NPHP4: variants seen among roughly 807,000 people sequenced by gnomAD.
NPHP4 encodes nephrocystin 4, also known as nephrocystin-4.
NPHP4 carries 151 observed loss-of-function variants against 155.8 expected under a neutral mutation model. That is an observed-to-expected ratio of 0.97 (90% CI 0.85 to 1.11). NPHP4 has a LOEUF of 1.11. Ranked by LOEUF, NPHP4 falls within the 50% of genes least tolerant of loss-of-function variation. The pLI, the probability that NPHP4 is intolerant of heterozygous loss-of-function variation, is 0.00. For missense variants in NPHP4, 1,956 were observed against 1,925.7 expected (o/e 1.02, Z -0.29); for synonymous variants, 845 against 816.8 (o/e 1.03, Z -0.59).
chr1:5,958,855 T>C (rs369740319), intron 6 of NPHP4, among the ~76,000 whole-genome samples: 2 of 7,298 alleles, frequency 2.7e-4, no homozygotes, highest in African/African-American at 8.8e-4. Flanking sequence ...AGACCCTGTC[T>C]CAAAAAAAAA....
chr1:5,976,382 G>A (rs1288601234), intron 3 of NPHP4, among the ~76,000 whole-genome samples: 3 of 152,188 alleles, frequency 2.0e-5, no homozygotes, highest in Non-Finnish European at 4.4e-5. Context: ...TTCACCACCC[G>A]CCGCATGGCT....
rs1644175181 is a variant in NPHP4, at chr1:5,892,352, T to TG, written c.2144-1325dup. ...GATGGCCCCGTGCCTAGCATGCTCC[T>TG]GCCCCCCACTCCAGGAGCTCTCAGC... On this transcript the variant is annotated intron_variant, in intron 16 of 29. Coordinates refer to ENST00000378156, the MANE Select transcript of NPHP4 (RefSeq NM_015102.5). This position sits in a 1 kb window ranked among gnomAD's most constrained non-coding sequence, Gnocchi z 4.5. Among the ~76,000 whole-genome samples the TG allele has an allele frequency of 6.6e-6, 1 of 152,104 alleles. No individual in the cohort carries two copies. The highest frequency in any genetic ancestry group is 2.1e-4 in the South Asian group (1 of 4,832).
At chr1:5,964,941 A>ATATATATATATTTTTTTTT in intron 5 of NPHP4, among the ~76,000 whole-genome samples, 4 of 59,396 alleles carry the variant, frequency 6.7e-5, no homozygotes, top group South Asian at 5.2e-4. Flanking sequence ...ATATATATAT[A>ATATATATATATTTTTTTTT]TTTTTTTTTT....
Position 5,867,398 on chromosome 1 carries a change from G to A in NPHP4, c.3473-283C>T, listed in dbSNP as rs1003743555. ...AAGAAAACACAGCTCCCTGGAGCAG[G>A]GAAGCCTGCACTCTGCTGTAAGGGG... On this transcript the variant is annotated intron_variant, in intron 24 of 29. Transcript: ENST00000378156. This position sits in a 1 kb window ranked among gnomAD's most constrained non-coding sequence, Gnocchi z 4.1. The A allele has an allele frequency of 1.4e-4, 74 of 543,444 alleles. 1 individual carries two copies. The Middle Eastern group carries it at 2.4e-3, about 18-fold the overall frequency. The allele number at this position is 543,444 out of a possible 1,614,324, so 33.7% of individuals were successfully genotyped here.
At chr1:5,938,747 A>T (rs945749798) in intron 9 of NPHP4, among the ~76,000 whole-genome samples, 2 of 152,244 alleles carry the variant, frequency 1.3e-5, no homozygotes, top group African/African-American at 4.8e-5. Flanking sequence ...AATCTGACTG[A>T]TTTTCAATGT....
At chr1:5,908,373 C>T (rs898561979) in intron 12 of NPHP4, among the ~76,000 whole-genome samples, 1 of 152,232 alleles carries the variant, frequency 6.6e-6, no homozygotes, top group African/African-American at 2.4e-5. Context: ...CACACTAAAG[C>T]TGCTTCCTTG....
At position 5,867,830 on chromosome 1, in the gene NPHP4, G is replaced by A. The variant is rs1254532662; in HGVS notation, c.3382C>T (p.His1128Tyr). The A allele has an allele frequency of 6.2e-7, 1 of 1,613,766 alleles. No homozygotes were observed. ...VLCLTVELQPHVVDQVFRFYH... is the reference protein window; with the variant it reads ...VLCLTVELQPYVVDQVFRFYH... ...AAGCGGAAGACCTGGTCCACCACGT[G>A]GGGCTGCAGCTCCACAGTCAGGCAG... The change falls in exon 24 of 30, where the codon CAC (histidine) becomes TAC (tyrosine). Residue 1128 changes from histidine (H) to tyrosine (Y), a missense_variant. His to Tyr is a moderately conservative substitution (Grantham distance 83). Coordinates refer to ENST00000378156, the MANE Select transcript of NPHP4 (RefSeq NM_015102.5). This position sits in a 1 kb window ranked among gnomAD's most constrained non-coding sequence, Gnocchi z 4.1.
rs964252514 is a variant in NPHP4 at position 5,905,570 on chromosome 1, G to A, written c.1763+62C>T. 18 of 1,605,988 alleles carry A rather than the reference G, an allele frequency of 1.1e-5. No homozygotes were observed. In the African/African-American group the frequency reaches 1.6e-4, roughly 14 times the overall value. ...CCTGTGGAAACCCTGGGGTTCACAA[G>A]GTCCAACAGTCTGACGGCACAGCAC... On this transcript the variant is annotated intron_variant, in intron 14 of 29. Coordinates refer to ENST00000378156, the MANE Select transcript of NPHP4 (RefSeq NM_015102.5). The surrounding 1 kb of genome is among the most constrained non-coding windows in gnomAD (Gnocchi z 4.0).
At chr1:5,863,464 G>A (rs1640850149) in intron 29 of NPHP4, 59 bp from the exon 30 acceptor site, 2 of 1,579,056 alleles carry the variant, frequency 1.3e-6, no homozygotes, top group African/African-American at 2.7e-5. Context: ...GCTCTCACCA[G>A]CAACCTCTCT....
chr1:5,868,593 C>A (rs1415264662), intron 23 of NPHP4, among the ~76,000 whole-genome samples: 1 of 151,408 alleles, frequency 6.6e-6, no homozygotes, highest in East Asian at 2.0e-4. Flanking sequence ...TACATGCACA[C>A]CCACATGCAT....
chr1:5,883,165 A>G (rs558682213), intron 18 of NPHP4, among the ~76,000 whole-genome samples: 1 of 152,322 alleles, frequency 6.6e-6, no homozygotes, highest in African/African-American at 2.4e-5. Flanking sequence ...AATGGCAGAC[A>G]AACAAGCAGG....
intron 11 of NPHP4, among the ~76,000 whole-genome samples, chr1:5,911,216 CCT>C (rs1427538654): frequency 6.6e-6 from 1 of 152,090 alleles, no homozygotes; most frequent in Non-Finnish European, 1.5e-5. Context: ...CCCCAGATTC[CCT>C]GAGTGCCTCT....
chr1:5,905,289 T>C lies in NPHP4; in HGVS notation c.1955+3A>G, dbSNP rs753536396. The C allele has an allele frequency of 4.1e-5, 66 of 1,609,386 alleles. No homozygotes were observed. The highest frequency in any genetic ancestry group is 1.0e-4 in the Admixed American group (6 of 59,980). On this transcript the variant is annotated splice_donor_region_variant and intron_variant, in intron 15 of 29. Coordinates refer to ENST00000378156, the MANE Select transcript of NPHP4 (RefSeq NM_015102.5). This position sits in a 1 kb window ranked among gnomAD's most constrained non-coding sequence, Gnocchi z 4.0. ...ATGAGTAACAGAATATTCAAGGATT[T>C]ACCTGCTAAAGGCAAGAAACTGTAG...
intron 26 of NPHP4, 170 bp downstream of exon 26, chr1:5,866,203 C>T (rs1006475929): frequency 1.1e-5 from 7 of 666,056 alleles, no homozygotes; most frequent in Non-Finnish European, 1.9e-5. Context: ...TTCCCTAGAC[C>T]CCTGCGGGCC....
At chr1:5,866,029 T>G (rs1283154600) in intron 26 of NPHP4, 2 of 336,640 alleles carry the variant, frequency 5.9e-6, no homozygotes, top group African/African-American at 4.2e-5. Context: ...GGACCACAGC[T>G]TCATTCATGC....
chr1:5,935,180 A>G (rs1646475193), intron 9 of NPHP4, among the ~76,000 whole-genome samples: 1 of 152,196 alleles, frequency 6.6e-6, no homozygotes, highest in East Asian at 1.9e-4. Flanking sequence ...ATCCTGTTAT[A>G]TCCTAATAAA....
chr1:5,975,191 G>A (rs972226176), intron 3 of NPHP4, among the ~76,000 whole-genome samples: 1 of 152,166 alleles, frequency 6.6e-6, no homozygotes, highest in Admixed American at 6.5e-5. Context: ...TGTGTACATG[G>A]ATGTGCACAC....
intron 18 of NPHP4, among the ~76,000 whole-genome samples, chr1:5,883,554 C>T (rs780160251): frequency 4.8e-4 from 73 of 152,326 alleles, no homozygotes; most frequent in Non-Finnish European, 7.8e-4. Context: ...TGTCACGTCC[C>T]GAGGACCTGC....
At chr1:5,947,325 C>G (rs1018244191) in intron 8 of NPHP4, 95 bp from the exon 9 acceptor site, 1 of 1,364,414 alleles carries the variant, frequency 7.3e-7, no homozygotes, top group Non-Finnish European at 1.0e-6. Context: ...CAAGGGGACA[C>G]CCTGGGGGAC....
Sources: gnomAD v4.1 joint callset for allele counts (sites outside exome capture counted in the v4.1 genomes callset) on GRCh38, gnomAD v4.1.1 for gene constraint, Gnocchi (gnomAD v3.1) non-coding constraint, MANE v1.5 for transcripts, NCBI Gene and HGNC (gene_info 2026-07-23, HGNC 2026-07-21) for gene names.